Variants in FAM178B observed in about 807,000 individuals in gnomAD.
FAM178B encodes the protein family with sequence similarity 178 member B, also known as protein FAM178B.
Under a neutral mutation model 91.7 loss-of-function variants are expected in FAM178B, and 82 were observed. That is an observed-to-expected ratio of 0.89 (90% CI 0.75 to 1.07). FAM178B has a LOEUF of 1.07. Among genes scored for constraint, FAM178B ranks in the 50% least tolerant of loss-of-function variants. FAM178B has a pLI of 0.00. For synonymous variants in FAM178B, 368 were observed against 359.4 expected (o/e 1.02, Z -0.27); for missense variants, 769 against 846.7 (o/e 0.91, Z 1.14).
In FAM178B at chr2:96,876,146, A is replaced by G; in HGVS notation, c.*130T>C. On this transcript the variant is annotated 3_prime_UTR_variant, in exon 17 of 17. Coordinates refer to ENST00000490605, the MANE Select transcript of FAM178B (RefSeq NM_001122646.3). ...GAGGGGTCGGGGCGGTGGCAGGGGCAGGCTCTTGCCTCATCAGGCTGGTCA... is the reference window on the plus strand; with the variant it reads ...GAGGGGTCGGGGCGGTGGCAGGGGCGGGCTCTTGCCTCATCAGGCTGGTCA... 2.2e-6 allele frequency: 2 copies of G among 912,834 alleles called. No homozygotes were observed. The highest frequency in any genetic ancestry group is 2.2e-4 in the Middle Eastern group (1 of 4,586). 56.5% of individuals were successfully genotyped at this position (912,834 alleles called of 1,614,324 possible). A position where few individuals can be genotyped will look rare whatever the true frequency, so the allele number is the denominator to read the frequency against.
intron 8 of FAM178B, among the ~76,000 whole-genome samples, chr2:96,933,272 A>T (rs1182111100): frequency 6.6e-6 from 1 of 152,114 alleles, no homozygotes; most frequent in Non-Finnish European, 1.5e-5. Flanking sequence ...AATTAAAAAA[A>T]TTTGCCAGCA....
chr2:96,902,670 G>A lies in FAM178B; in HGVS notation c.1600C>T (p.Arg534Ter), dbSNP rs539837703. ...AGCATCTCCTGCTGGCCCAGCATTCGAGCAATGACCACAAGGCTGAGCTGG... is the reference window on the plus strand; with the variant it reads ...AGCATCTCCTGCTGGCCCAGCATTCAAGCAATGACCACAAGGCTGAGCTGG... ...RSQLSLVVIARMLGQQEMLPL... is the reference protein window; with the variant it reads ...RSQLSLVVIA The change falls in exon 13 of 17, where the codon CGA (arginine) becomes TGA (stop). Residue 534 changes from arginine to a stop codon, truncating the protein, a stop_gained. Transcript: ENST00000490605. LOFTEE classifies it high-confidence loss of function. 1.0e-5 allele frequency: 16 copies of A among 1,550,816 alleles called. No individual in the cohort carries two copies. Among genetic ancestry groups the A allele is most frequent in the Middle Eastern group, 3.3e-4 (2 of 5,988 alleles).
At chr2:96,933,601 G>T (rs1402532565) in intron 8 of FAM178B, among the ~76,000 whole-genome samples, 1 of 152,118 alleles carries the variant, frequency 6.6e-6, no homozygotes, top group Non-Finnish European at 1.5e-5. Context: ...CTCGTGCCCT[G>T]AGTCCTCAGC....
chr2:96,905,850 ATATATATATATTTTTTTTTTTTTTT>A (rs2081037867), intron 12 of FAM178B, among the ~76,000 whole-genome samples: 2 of 25,614 alleles, frequency 7.8e-5, no homozygotes, highest in African/African-American at 4.1e-4. Context: ...ATATATATAT[ATATATATATATTTTTTTTTTTTTTT>A]TTTTTTTTTT....
chr2:96,973,101 G>A (rs549771031), intron 1 of FAM178B, among the ~76,000 whole-genome samples: 85 of 151,660 alleles, frequency 5.6e-4, no homozygotes, highest in African/African-American at 2.0e-3. Context: ...TCAGCTACTC[G>A]GGAGGCTGAG....
At chr2:96,892,691 G>A (rs973209112) in intron 14 of FAM178B, among the ~76,000 whole-genome samples, 1 of 151,924 alleles carries the variant, frequency 6.6e-6, no homozygotes, top group East Asian at 1.9e-4. Context: ...GTGCCTGCAG[G>A]CCACACTCTC....
intron 6 of FAM178B, among the ~76,000 whole-genome samples, chr2:96,957,374 C>T (rs548253188): frequency 3.9e-5 from 6 of 152,286 alleles, no homozygotes; most frequent in Admixed American, 2.6e-4. Flanking sequence ...GGACTGAGAC[C>T]GAGTCACACA....
At chr2:96,933,543 G>A (rs910819635) in intron 8 of FAM178B, among the ~76,000 whole-genome samples, 7 of 152,316 alleles carry the variant, frequency 4.6e-5, no homozygotes, top group Middle Eastern at 3.4e-3. Context: ...CACTGGAAGC[G>A]CCAGCCTCAG....
intron 12 of FAM178B, among the ~76,000 whole-genome samples, chr2:96,918,473 A>C (rs1212911164): frequency 6.6e-6 from 1 of 152,258 alleles, no homozygotes; most frequent in Non-Finnish European, 1.5e-5. Context: ...TCCACTCACC[A>C]GATTGACTAA....
intron 6 of FAM178B, among the ~76,000 whole-genome samples, chr2:96,959,766 A>G (rs1462118698): frequency 6.6e-6 from 1 of 152,226 alleles, no homozygotes; most frequent in East Asian, 1.9e-4. Flanking sequence ...AAAGCAATAT[A>G]GTCAATGGTT....
intron 8 of FAM178B, among the ~76,000 whole-genome samples, chr2:96,930,974 A>G (rs768468176): frequency 3.9e-5 from 6 of 152,154 alleles, no homozygotes; most frequent in Non-Finnish European, 7.3e-5. Flanking sequence ...TTGATCTTGG[A>G]CTTCCCAGCC....
At chr2:96,883,855 C>T (rs554371223) in intron 14 of FAM178B, among the ~76,000 whole-genome samples, 1 of 152,314 alleles carries the variant, frequency 6.6e-6, no homozygotes, top group African/African-American at 2.4e-5. Context: ...CAGCCCTAGC[C>T]TGGCTGGGCT....
intron 1 of FAM178B, among the ~76,000 whole-genome samples, chr2:96,978,980 T>C (rs1257540469): frequency 1.4e-5 from 2 of 147,194 alleles, no homozygotes; most frequent in Non-Finnish European, 3.0e-5. Context: ...ATCACTTTTT[T>C]TTTTTTTTTT....
intron 12 of FAM178B, among the ~76,000 whole-genome samples, chr2:96,909,874 C>A (rs996555153): frequency 2.0e-5 from 3 of 152,200 alleles, no homozygotes; most frequent in African/African-American, 7.2e-5. Flanking sequence ...CCTGCCCTGG[C>A]CAACCTGTGA....
chr2:96,917,347 T>C (rs2081257962), intron 12 of FAM178B, among the ~76,000 whole-genome samples: 1 of 152,242 alleles, frequency 6.6e-6, no homozygotes, highest in Non-Finnish European at 1.5e-5. Context: ...CCTGCTGACG[T>C]GGCTGCCTGA....
intron 8 of FAM178B, among the ~76,000 whole-genome samples, chr2:96,934,513 C>G (rs1296982600): frequency 3.3e-5 from 5 of 152,022 alleles, no homozygotes; most frequent in African/African-American, 1.2e-4. Flanking sequence ...AGGTCCTCAA[C>G]AACAACAACA....
At chr2:96,926,639 G>T (rs561060714) in intron 9 of FAM178B, among the ~76,000 whole-genome samples, 2 of 149,266 alleles carry the variant, frequency 1.3e-5, no homozygotes, top group African/African-American at 5.1e-5. Flanking sequence ...CCCCTCCCCA[G>T]TCTCATCATT....
At chr2:96,977,030 A>C (rs1255419894) in intron 1 of FAM178B, among the ~76,000 whole-genome samples, 1 of 151,590 alleles carries the variant, frequency 6.6e-6, no homozygotes, top group South Asian at 2.1e-4. Context: ...CCCTGTCTGT[A>C]CTAAAAATAC....
intron 12 of FAM178B, among the ~76,000 whole-genome samples, chr2:96,919,198 T>C (rs1410890755): frequency 6.6e-6 from 1 of 151,796 alleles, no homozygotes; most frequent in Non-Finnish European, 1.5e-5. Context: ...GTGAAAAGAG[T>C]GAGGTTTATT....
Sources: gnomAD v4.1 joint callset for allele counts (sites outside exome capture counted in the v4.1 genomes callset) on GRCh38, gnomAD v4.1.1 for gene constraint, MANE v1.5 for transcripts, NCBI Gene and HGNC (gene_info 2026-07-23, HGNC 2026-07-21) for gene names.